The following TNKS variants were observed in gnomAD, a reference collection of about 807,000 sequenced individuals.
TNKS encodes tankyrase.
Under a neutral mutation model 135.8 loss-of-function variants are expected in TNKS, and 72 were observed. The ratio of observed to expected loss-of-function variants is 0.53; its 90% confidence interval spans 0.44 to 0.64. The LOEUF is 0.64. TNKS is among the 30% of genes least tolerant of loss of function. The pLI is 0.00. For missense variants in TNKS, 1,769 were observed against 1,674.0 expected (o/e 1.06, Z -0.99); for synonymous variants, 849 against 649.3 (o/e 1.31, Z -4.68).
At chr8:9,685,290 A>T (rs978777028) in intron 5 of TNKS, among the ~76,000 whole-genome samples, 1 of 152,184 alleles carries the variant, frequency 6.6e-6, no homozygotes, top group East Asian at 1.9e-4. Flanking sequence ...ATTGGGTTCT[A>T]TTCTGCTTTC....
chr8:9,738,985 A>C (rs1805787256), intron 17 of TNKS, among the ~76,000 whole-genome samples: 1 of 152,046 alleles, frequency 6.6e-6, no homozygotes, highest in South Asian at 2.1e-4. Context: ...GATCTGTCTA[A>C]TATTGACAGT....
At chr8:9,666,146 T>C (rs79081105) in intron 3 of TNKS, among the ~76,000 whole-genome samples, 3,334 of 152,326 alleles carry the variant, frequency 0.022, 59 homozygotes, top group South Asian at 0.071. Flanking sequence ...CAGCTCATGA[T>C]GGTTTTAGAT....
intron 24 of TNKS, 69 bp from the exon 25 acceptor site, chr8:9,766,170 A>G (rs1452481365): frequency 1.5e-6 from 2 of 1,326,754 alleles, no homozygotes; most frequent in South Asian, 1.4e-5. Context: ...CCCGATGCAA[A>G]TAGTGTGCAG....
At chr8:9,563,930 G>T (rs571167272) in intron 1 of TNKS, among the ~76,000 whole-genome samples, 5 of 152,208 alleles carry the variant, frequency 3.3e-5, no homozygotes, top group African/African-American at 1.2e-4. Context: ...TAAAAATAAA[G>T]GTCTGAGATA....
At position 9,761,602 on chromosome 8, in the gene TNKS, C is replaced by A; in HGVS notation, c.3240C>A (p.Ile1080=). The change falls in exon 21 of 27, where the codon ATC becomes ATA. Residue 1080 remains isoleucine (I), a synonymous_variant. Coordinates refer to ENST00000310430, the MANE Select transcript of TNKS (RefSeq NM_003747.3). The stretch of plus-strand genomic sequence containing the variant: ...CATATGGGCACCGCCACAAATTAAT[C>A]AAAGGAGTAGAAAGACTCTTAGGTG... ...INAYGHRHKL[I]KGVERLLGGQ... 1 of 1,596,788 alleles carries A rather than the reference C, an allele frequency of 6.3e-7. No homozygotes were observed. The highest frequency in any genetic ancestry group is 8.5e-7 in the Non-Finnish European group (1 of 1,175,438).
At chr8:9,761,179 G>A (rs1187783816) in intron 20 of TNKS, among the ~76,000 whole-genome samples, 1 of 152,156 alleles carries the variant, frequency 6.6e-6, no homozygotes, top group Non-Finnish European at 1.5e-5. Context: ...CCATTTTCAA[G>A]CTACTGATTC....
Position 9,710,065 on chromosome 8 carries a change from G to A in TNKS, c.1670+19G>A, listed in dbSNP as rs2128809144. Reference sequence around the variant, plus strand: ...ATAAAGAGTAAGTATAATTGCAGAAGGAGTTGTTCAGTTCCTAAAGAGGAA... The same window carrying A: ...ATAAAGAGTAAGTATAATTGCAGAAAGAGTTGTTCAGTTCCTAAAGAGGAA... On this transcript the variant is annotated intron_variant, in intron 10 of 26. Coordinates refer to ENST00000310430, the MANE Select transcript of TNKS (RefSeq NM_003747.3). 6.2e-7 allele frequency: 1 copy of A among 1,611,502 alleles called. No individual in the cohort carries two copies.
intron 20 of TNKS, among the ~76,000 whole-genome samples, chr8:9,753,022 T>A (rs80258948): frequency 0.023 from 3,570 of 152,036 alleles, 132 homozygotes; most frequent in African/African-American, 0.082. Context: ...CCTCTTTTGC[T>A]TCTTACGAGC....
chr8:9,689,999 A>T (rs989458247), intron 5 of TNKS, among the ~76,000 whole-genome samples: 2 of 152,258 alleles, frequency 1.3e-5, no homozygotes, highest in African/African-American at 4.8e-5. Context: ...ATTTATGTGC[A>T]GTTTGGGTAG....
chr8:9,743,864 A>G (rs189258768), intron 17 of TNKS, among the ~76,000 whole-genome samples: 130 of 152,348 alleles, frequency 8.5e-4, no homozygotes, highest in African/African-American at 2.8e-3. Flanking sequence ...GGAATAATCT[A>G]TATATTTGAC....
At chr8:9,605,650 A>G (rs1441133392) in intron 2 of TNKS, among the ~76,000 whole-genome samples, 1 of 152,094 alleles carries the variant, frequency 6.6e-6, no homozygotes, top group East Asian at 1.9e-4. Flanking sequence ...CTCCTCATTA[A>G]CACTTGGTAT....
At chr8:9,655,883 G>C (rs1449209636) in intron 3 of TNKS, among the ~76,000 whole-genome samples, 1 of 152,158 alleles carries the variant, frequency 6.6e-6, no homozygotes, top group Non-Finnish European at 1.5e-5. Flanking sequence ...ACAGAACAAA[G>C]CTGGACGGAG....
At chr8:9,764,811 G>A (rs936077498) in intron 23 of TNKS, 21 bp downstream of exon 23, 30 of 1,559,710 alleles carry the variant, frequency 1.9e-5, no homozygotes, top group Non-Finnish European at 2.3e-5. Context: ...AAAGTTTCAT[G>A]GTGAAAACTG....
chr8:9,729,283 C>T (rs760701578), intron 13 of TNKS, among the ~76,000 whole-genome samples: 15 of 152,162 alleles, frequency 9.9e-5, no homozygotes, highest in African/African-American at 3.6e-4. Context: ...TCCAGAAGGA[C>T]ACAAACATTC....
At chr8:9,611,178 G>T (rs1247785934) in intron 2 of TNKS, among the ~76,000 whole-genome samples, 1 of 152,182 alleles carries the variant, frequency 6.6e-6, no homozygotes, top group Admixed American at 6.5e-5. Flanking sequence ...GAAAGGAGAT[G>T]AATAGAGCTG....
intron 20 of TNKS, among the ~76,000 whole-genome samples, chr8:9,759,176 G>A (rs761492976): frequency 1.3e-5 from 2 of 152,224 alleles, no homozygotes; most frequent in Non-Finnish European, 2.9e-5. Context: ...CAGGGGAGGG[G>A]AGCACACAGG....
At chr8:9,673,708 G>A (rs193169805) in intron 3 of TNKS, among the ~76,000 whole-genome samples, 2 of 151,986 alleles carry the variant, frequency 1.3e-5, no homozygotes, top group South Asian at 2.1e-4. Context: ...CCTCCAAGGC[G>A]CTGGGATTAC....
chr8:9,572,540 C>A (rs57453266), intron 1 of TNKS, among the ~76,000 whole-genome samples: 34,159 of 152,100 alleles, frequency 0.22, 4,154 homozygotes, highest in East Asian at 0.39. Flanking sequence ...TAGTCTTTCC[C>A]TAATTCCTAG....
At chr8:9,564,677 A>G (rs754627825) in intron 1 of TNKS, among the ~76,000 whole-genome samples, 3 of 152,192 alleles carry the variant, frequency 2.0e-5, no homozygotes, top group Non-Finnish European at 4.4e-5. Context: ...CCTTGAAGCT[A>G]CTTTGGCTTA....
Sources: allele counts gnomAD v4.1 joint callset (sites outside exome capture counted in the v4.1 genomes callset), GRCh38; gene constraint gnomAD v4.1.1; transcripts MANE v1.5; gene names NCBI Gene and HGNC (gene_info 2026-07-23, HGNC 2026-07-21).